RORA: variants seen among roughly 807,000 people sequenced by gnomAD.
RORA encodes nuclear receptor ROR-alpha.
RORA carries 7 observed loss-of-function variants against 69.5 expected under a neutral mutation model. The ratio of observed to expected loss-of-function variants is 0.10; its 90% confidence interval spans 0.06 to 0.19. The LOEUF is 0.19. Ranked by LOEUF, RORA falls within the 10% of genes least tolerant of loss-of-function variation. The pLI is 1.00. For missense variants in RORA, 457 were observed against 663.0 expected (o/e 0.69, Z 3.41); for synonymous variants, 261 against 240.8 (o/e 1.08, Z -0.78).
At chr15:60,711,683 T>C (rs2071146166) in intron 1 of RORA, among the ~76,000 whole-genome samples, 1 of 152,190 alleles carries the variant, frequency 6.6e-6, no homozygotes, top group East Asian at 1.9e-4. Flanking sequence ...CCTTCAGTTT[T>C]CTAACCTTCT....
rs938782126 is a variant in RORA at position 60,492,027 on chromosome 15, C to G, written c.*5428G>C. 1 of 108,298 alleles carries G rather than the reference C, an allele frequency of 9.2e-6. No individual in the cohort carries two copies. Among genetic ancestry groups the G allele is most frequent in the Non-Finnish European group, 2.0e-5 (1 of 49,226 alleles). 6.7% of individuals were successfully genotyped at this position (108,298 alleles called of 1,614,324 possible). ...ATCACATGTTATGTAAAAATGTCAA[C>G]GTGTGTGTGTATACACACATATACA... On this transcript the variant is annotated 3_prime_UTR_variant, in exon 11 of 11. Transcript: ENST00000335670.
intron 1 of RORA, among the ~76,000 whole-genome samples, chr15:60,679,612 T>C (rs1394809872): frequency 6.6e-6 from 1 of 152,214 alleles, no homozygotes; most frequent in East Asian, 1.9e-4. Context: ...AAATTTTTTT[T>C]TCTTTCAAGT....
At chr15:60,917,286 C>T (rs563976747) in intron 1 of RORA, among the ~76,000 whole-genome samples, 4 of 152,274 alleles carry the variant, frequency 2.6e-5, no homozygotes, top group East Asian at 3.9e-4. Context: ...ATTGCTTTTA[C>T]GTGGCAAAGC....
intron 1 of RORA, among the ~76,000 whole-genome samples, chr15:60,802,807 C>T (rs971191435): frequency 2.0e-5 from 3 of 152,234 alleles, no homozygotes; most frequent in South Asian, 2.1e-4. Context: ...TACTGCTTAG[C>T]CTCAAAAGAT....
intron 1 of RORA, among the ~76,000 whole-genome samples, chr15:61,042,328 A>G (rs745565443): frequency 3.9e-5 from 6 of 152,158 alleles, no homozygotes; most frequent in Non-Finnish European, 7.3e-5. Flanking sequence ...GGTAACCTGG[A>G]ACTGTTCCAA....
chr15:61,222,349 G>T (rs528204342), intron 1 of RORA, among the ~76,000 whole-genome samples: 8 of 152,282 alleles, frequency 5.3e-5, no homozygotes, highest in African/African-American at 1.2e-4. Context: ...GTCAGTTAAG[G>T]CCATACAAAT....
intron 1 of RORA, among the ~76,000 whole-genome samples, chr15:61,152,616 T>C (rs189349516): frequency 5.2e-4 from 79 of 152,282 alleles, no homozygotes; most frequent in African/African-American, 1.9e-3. Context: ...AGTACCATTC[T>C]AGGTGCCGGG....
intron 1 of RORA, among the ~76,000 whole-genome samples, chr15:61,214,493 A>G (rs1277660030): frequency 6.6e-6 from 1 of 152,238 alleles, no homozygotes; most frequent in Non-Finnish European, 1.5e-5. Flanking sequence ...TACGAAAGTT[A>G]AAGGTATTCT....
intron 1 of RORA, among the ~76,000 whole-genome samples, chr15:60,917,606 G>A (rs779162572): frequency 2.6e-5 from 4 of 152,264 alleles, no homozygotes; most frequent in South Asian, 2.1e-4. Flanking sequence ...GGGAAACGTC[G>A]GCCGAGGGGC....
intron 1 of RORA, among the ~76,000 whole-genome samples, chr15:61,095,212 G>T (rs1939271019): frequency 6.6e-6 from 1 of 152,164 alleles, no homozygotes; most frequent in South Asian, 2.1e-4. Flanking sequence ...CCAGGGATAA[G>T]CTAGAATGCT....
intron 1 of RORA, among the ~76,000 whole-genome samples, chr15:61,209,113 TCACTGCTTCAGTA>T (rs2079967299): frequency 6.6e-6 from 1 of 152,216 alleles, no homozygotes; most frequent in African/African-American, 2.4e-5. Context: ...TCTAAAAGCC[TCACTGCTTCAGTA>T]CTTCTAATGG....
intron 1 of RORA, among the ~76,000 whole-genome samples, chr15:60,780,246 T>C (rs1271277033): frequency 2.0e-5 from 3 of 152,224 alleles, no homozygotes; most frequent in Admixed American, 6.5e-5. Flanking sequence ...TTGGAGACTC[T>C]TATGTCCAAT....
chr15:61,204,499 T>A (rs1388876426), intron 1 of RORA, among the ~76,000 whole-genome samples: 1 of 152,008 alleles, frequency 6.6e-6, no homozygotes, highest in Non-Finnish European at 1.5e-5. Context: ...GGCGAGCACG[T>A]ATGTGAGTAG....
At chr15:60,697,615 C>T (rs78365646) in intron 1 of RORA, among the ~76,000 whole-genome samples, 1,706 of 151,856 alleles carry the variant, frequency 0.011, 28 homozygotes, top group African/African-American at 0.032. Context: ...TCACACATTG[C>T]AGTAATTCTG....
chr15:61,176,223 A>T (rs7182581), intron 1 of RORA: 1 of 151,932 alleles, frequency 6.6e-6, no homozygotes, highest in African/African-American at 2.4e-5. Flanking sequence ...GTGTTCAAAC[A>T]CTCTCTTCTT....
intron 1 of RORA, among the ~76,000 whole-genome samples, chr15:60,827,561 C>G (rs970403727): frequency 6.6e-6 from 1 of 152,250 alleles, no homozygotes. Flanking sequence ...AACCACACTG[C>G]ATGGCCAGGC....
intron 1 of RORA, among the ~76,000 whole-genome samples, chr15:61,190,069 A>G (rs2079782895): frequency 6.6e-6 from 1 of 152,136 alleles, no homozygotes; most frequent in African/African-American, 2.4e-5. Context: ...AGTGAAGCTC[A>G]TTATATCTTT....
rs955053242 is a variant in RORA at position 61,007,998 on chromosome 15, A to C, written c.166+221055T>G. 1.1e-4 allele frequency among the ~76,000 whole-genome samples: 16 copies of C among 152,012 alleles called. No individual in the cohort carries two copies. In the South Asian group the frequency reaches 3.3e-3, roughly 31 times the overall value. ...ATTTCTTTAAAAAATGAATGACAGCAAACATTTACACCAAAATAGTATTTA... is the reference window on the plus strand; with the variant it reads ...ATTTCTTTAAAAAATGAATGACAGCCAACATTTACACCAAAATAGTATTTA... On this transcript the variant is annotated intron_variant, in intron 1 of 10. Transcript: ENST00000335670.
At chr15:61,064,404 C>A (rs1265417217) in intron 1 of RORA, among the ~76,000 whole-genome samples, 1 of 152,212 alleles carries the variant, frequency 6.6e-6, no homozygotes, top group African/African-American at 2.4e-5. Context: ...CCCACTCTTA[C>A]TGGCTTTATA....
Sources: allele counts gnomAD v4.1 joint callset (sites outside exome capture counted in the v4.1 genomes callset), GRCh38; gene constraint gnomAD v4.1.1; transcripts MANE v1.5; gene names NCBI Gene and HGNC (gene_info 2026-07-23, HGNC 2026-07-21).